The following ABCB5 variants were observed in gnomAD, a reference collection of about 807,000 sequenced individuals.
ABCB5 encodes the protein ATP binding cassette subfamily B member 5, also known as ATP-binding cassette sub-family B member 5.
In ABCB5, 155 loss-of-function variants were observed where a neutral mutation model predicts 144.2. The observed-to-expected ratio is 1.08, with a 90% confidence interval of 0.94 to 1.23. ABCB5 has a LOEUF of 1.23. ABCB5 is among the 50% of genes most tolerant of loss of function. ABCB5 has a pLI of 0.00. For missense variants in ABCB5, 1,830 were observed against 1,520.8 expected, an observed-to-expected ratio of 1.20 and a Z score of -3.38; for synonymous variants, 610 against 528.6, an observed-to-expected ratio of 1.15 and a Z score of -2.11.
intron 23 of ABCB5, among the ~76,000 whole-genome samples, chr7:20,735,249 A>G (rs1428955906): frequency 6.6e-6 from 1 of 152,170 alleles, no homozygotes; most frequent in Non-Finnish European, 1.5e-5. Flanking sequence ...TCTCTTAAAA[A>G]CCAAATGCAG....
At chr7:20,634,128 T>A (rs1261155639) in intron 5 of ABCB5, among the ~76,000 whole-genome samples, 2 of 151,928 alleles carry the variant, frequency 1.3e-5, no homozygotes, top group Non-Finnish European at 2.9e-5. Flanking sequence ...GGTATTTGAC[T>A]GTTTCTGAGT....
At chr7:20,717,315 A>G (rs747624857) in intron 20 of ABCB5, among the ~76,000 whole-genome samples, 1 of 152,166 alleles carries the variant, frequency 6.6e-6, no homozygotes, top group African/African-American at 2.4e-5. Context: ...TAGAAGCCCA[A>G]GAACAAGATG....
intron 20 of ABCB5, among the ~76,000 whole-genome samples, chr7:20,715,013 C>CT (rs1781625446): frequency 6.6e-6 from 1 of 152,078 alleles, no homozygotes; most frequent in Admixed American, 6.5e-5. Flanking sequence ...GCTCAGCATG[C>CT]TTTTTGTCTT....
chr7:20,658,378 C>A, intron 13 of ABCB5, 128 bp from the exon 14 acceptor site: 15 of 656,054 alleles, frequency 2.3e-5, no homozygotes, highest in Non-Finnish European at 2.3e-5. Context: ...AATCAAAAGA[C>A]ATAAGCACCC....
intron 4 of ABCB5, among the ~76,000 whole-genome samples, chr7:20,631,175 C>T (rs1784030234): frequency 6.6e-6 from 1 of 152,072 alleles, no homozygotes; most frequent in Non-Finnish European, 1.5e-5. Context: ...GAGATTATGC[C>T]ATTTTTATAA....
At chr7:20,716,126 GA>G (rs1781667333) in intron 20 of ABCB5, among the ~76,000 whole-genome samples, 1 of 152,104 alleles carries the variant, frequency 6.6e-6, no homozygotes, top group Non-Finnish European at 1.5e-5. Context: ...AAACAGAAAA[GA>G]ATAACTGCCC....
chr7:20,746,074 G>A (rs1284579832), intron 26 of ABCB5, among the ~76,000 whole-genome samples: 3 of 151,906 alleles, frequency 2.0e-5, no homozygotes, highest in Non-Finnish European at 4.4e-5. Flanking sequence ...CCTCCCTTAG[G>A]TTGGCTTTTG....
intron 15 of ABCB5, among the ~76,000 whole-genome samples, chr7:20,683,909 A>G (rs1165866303): frequency 6.6e-6 from 1 of 151,922 alleles, no homozygotes; most frequent in African/African-American, 2.4e-5. Context: ...CCCGAGAAGC[A>G]ATATAGCAAT....
At chr7:20,739,546 T>C (rs942060912) in intron 24 of ABCB5, among the ~76,000 whole-genome samples, 1 of 152,128 alleles carries the variant, frequency 6.6e-6, no homozygotes, top group African/African-American at 2.4e-5. Flanking sequence ...CTTAATCAAA[T>C]TTTTACCTCT....
chr7:20,618,529 C>T (rs1196141574), intron 1 of ABCB5, among the ~76,000 whole-genome samples: 1 of 152,004 alleles, frequency 6.6e-6, no homozygotes, highest in Non-Finnish European at 1.5e-5. Context: ...GAGCATAGTA[C>T]TCGGTAGGTA....
chr7:20,723,630 G>C (rs1781943283), intron 21 of ABCB5, among the ~76,000 whole-genome samples: 1 of 152,202 alleles, frequency 6.6e-6, no homozygotes, highest in Non-Finnish European at 1.5e-5. Flanking sequence ...AAAACACTTA[G>C]AACAGTGTCT....
chr7:20,653,918 C>T (rs1213154487), intron 13 of ABCB5, among the ~76,000 whole-genome samples: 2 of 152,158 alleles, frequency 1.3e-5, no homozygotes, highest in African/African-American at 4.8e-5. Context: ...ACCTTTTTAA[C>T]CCCCCAGGCA....
At chr7:20,730,842 C>T (rs967162590) in intron 23 of ABCB5, among the ~76,000 whole-genome samples, 1 of 152,146 alleles carries the variant, frequency 6.6e-6, no homozygotes, top group East Asian at 1.9e-4. Flanking sequence ...ATGTTTTCCT[C>T]ATGTTGCTCT....
chr7:20,677,232 C>T (rs183710644), intron 14 of ABCB5, among the ~76,000 whole-genome samples: 54 of 152,248 alleles, frequency 3.5e-4, no homozygotes, highest in African/African-American at 1.3e-3. Flanking sequence ...GTCATATTAT[C>T]TCAGTATATA....
chr7:20,617,691 A>T (rs1783717217), intron 1 of ABCB5, among the ~76,000 whole-genome samples: 2 of 152,238 alleles, frequency 1.3e-5, no homozygotes, highest in Admixed American at 1.3e-4. Flanking sequence ...GATTAAAAAT[A>T]TATAATCTAA....
chr7:20,745,671 T>C (rs1562591088), intron 26 of ABCB5, among the ~76,000 whole-genome samples: 1 of 152,258 alleles, frequency 6.6e-6, no homozygotes, highest in Non-Finnish European at 1.5e-5. Context: ...AACTTTCACA[T>C]TTTGTTATTT....
chr7:20,750,420 A>ACG (rs60614703), intron 26 of ABCB5, among the ~76,000 whole-genome samples: 1 of 150,978 alleles, frequency 6.6e-6, no homozygotes, highest in African/African-American at 2.4e-5. Context: ...ACACACACAC[A>ACG]TATACACACA....
At chr7:20,637,936 G>C (rs914718758) in intron 5 of ABCB5, among the ~76,000 whole-genome samples, 3 of 152,092 alleles carry the variant, frequency 2.0e-5, no homozygotes, top group Admixed American at 6.6e-5. Flanking sequence ...CTCAAGGGTG[G>C]CTTCATTTCT....
chr7:20,651,156 T>A (rs896859628), intron 12 of ABCB5, among the ~76,000 whole-genome samples: 1 of 152,208 alleles, frequency 6.6e-6, no homozygotes, highest in Non-Finnish European at 1.5e-5. Context: ...CTTTATAATA[T>A]CTAACTTGTG....
Sources: allele counts gnomAD v4.1 joint callset (sites outside exome capture counted in the v4.1 genomes callset), GRCh38; gene constraint gnomAD v4.1.1; transcripts MANE v1.5; gene names NCBI Gene and HGNC (gene_info 2026-07-23, HGNC 2026-07-21).